PUS7L: variants seen among roughly 807,000 people sequenced by gnomAD.
PUS7L encodes the protein pseudouridylate synthase PUS7L.
PUS7L carries 49 observed loss-of-function variants against 51.1 expected under a neutral mutation model. That is an observed-to-expected ratio of 0.96 (90% confidence interval 0.76 to 1.22). The LOEUF is 1.22. PUS7L is among the 50% of genes most tolerant of loss of function. The probability of loss-of-function intolerance (pLI) is 0.00; values close to 1 mark genes in which losing one functional copy is unlikely to be tolerated. For missense variants in PUS7L, 828 were observed against 820.6 expected (o/e 1.01, Z -0.11); for synonymous variants, 277 against 276.2 (o/e 1.00, Z -0.03).
Position 43,728,328 on chromosome 12 carries a change from T to TA in PUS7L, c.*2047dup, listed in dbSNP as rs1337540496. ...TTTACTAAATAAATCAATAAATGTCTAAAATTATAGTGCCATCTGCAGGCA... is the reference window on the plus strand; with the variant it reads ...TTTACTAAATAAATCAATAAATGTCTAAAAATTATAGTGCCATCTGCAGGCA... On this transcript the variant is annotated 3_prime_UTR_variant, in exon 9 of 9. Coordinates refer to ENST00000344862, the MANE Select transcript of PUS7L (RefSeq NM_031292.5). 1 of 152,140 alleles carries TA rather than the reference T, an allele frequency of 6.6e-6. No individual in the cohort carries two copies. The highest frequency in any genetic ancestry group is 1.5e-5 in the Non-Finnish European group (1 of 67,998). 9.4% of individuals were successfully genotyped at this position (152,140 alleles called of 1,614,324 possible). A position where few individuals can be genotyped will look rare whatever the true frequency, so the allele number is the denominator to read the frequency against.
In PUS7L at chr12:43,734,060, C is replaced by G. The variant is rs570500607; in HGVS notation, c.1726-2302G>C. Among the ~76,000 whole-genome samples the G allele has an allele frequency of 2.6e-5, 4 of 152,274 alleles. No homozygotes were observed. The South Asian group carries it at 8.3e-4, about 32-fold the overall frequency. ...CACTCTCATTTTCCAGGGGACCTCT[C>G]CCAGGTGTCAGATGTGGATTAGGGT... is the stretch of plus-strand genomic sequence containing the variant. On this transcript the variant is annotated intron_variant, in intron 7 of 8. Coordinates refer to ENST00000344862, the MANE Select transcript of PUS7L (RefSeq NM_031292.5).
intron 6 of PUS7L, 25 bp from the exon 7 acceptor site, chr12:43,736,686 T>C (rs764443090): frequency 6.3e-7 from 1 of 1,596,388 alleles, no homozygotes; most frequent in Non-Finnish European, 8.6e-7. Context: ...AAATCAGGTA[T>C]AGTTAGCCAC....
Position 43,754,527 on chromosome 12 carries a change from T to G in PUS7L, c.719A>C (p.Asp240Ala). 6.2e-7 allele frequency: 1 copy of G among 1,612,932 alleles called. No individual in the cohort carries two copies. The highest frequency in any genetic ancestry group is 8.5e-7 in the Non-Finnish European group (1 of 1,179,598). ...KFTFKPDTNKDHRKAVHHFVN... is the reference protein window; with the variant it reads ...KFTFKPDTNKAHRKAVHHFVN... ...AAAATGGTGGACAGCTTTTCTGTGGTCTTTGTTTGTATCAGGTTTAAAGGT... is the reference window on the plus strand; with the variant it reads ...AAAATGGTGGACAGCTTTTCTGTGGGCTTTGTTTGTATCAGGTTTAAAGGT... Residue 240 changes from aspartate (D) to alanine (A), a missense_variant, in exon 2 of 9, where the codon GAC (aspartate) becomes GCC (alanine). By Grantham distance (126) the Asp-to-Ala change is moderately radical (BLOSUM62 -2). Transcript: ENST00000344862.
In PUS7L at chr12:43,748,464, T is replaced by C; in HGVS notation, c.1056A>G (p.Lys352=). 2 of 1,586,808 alleles carry C rather than the reference T, an allele frequency of 1.3e-6. No homozygotes were observed. The highest frequency in any genetic ancestry group is 1.7e-6 in the Non-Finnish European group (2 of 1,173,090). ...TATCTTATTACCTCTCTGGAGTCAC[T>C]TTTCTAACAACCATTGCTTGATAGG... ...AITYQAMVVR[K]VTPERLKNIE... Residue 352 remains lysine, a synonymous_variant, in exon 3 of 9, where the codon AAA becomes AAG. Coordinates refer to ENST00000344862, the MANE Select transcript of PUS7L (RefSeq NM_031292.5).
In PUS7L at chr12:43,754,988, T is replaced by C. The variant is rs1938628674; in HGVS notation, c.258A>G (p.Gln86=). Residue 86 remains glutamine (Q), a synonymous_variant, in exon 2 of 9, where the codon CAA becomes CAG. Coordinates refer to ENST00000344862, the MANE Select transcript of PUS7L (RefSeq NM_031292.5). ...TGTACTTAATCAAAGTATGAACTTC[T>C]TGGTTTCTTCCATCTTCTAAGGACA... The part of the protein sequence containing the change: ...QNLSLEDGRN[Q]EVHTLIKYTD... The C allele has an allele frequency of 6.2e-7, 1 of 1,613,254 alleles. No individual in the cohort carries two copies.
rs952470526 is a variant in PUS7L, at chr12:43,720,618, T to G, written c.*9758A>C. ...TGGTTTCAGTCATTTGAAATTTTAT[T>G]GCATATGCTTATAGTCCAGTGCATA... On this transcript the variant is annotated 3_prime_UTR_variant, in exon 9 of 9. Transcript: ENST00000344862. The G allele has an allele frequency of 6.6e-6, 1 of 152,272 alleles. No homozygotes were observed. The highest frequency in any genetic ancestry group is 1.5e-5 in the Non-Finnish European group (1 of 68,046). The allele number at this position is 152,272 out of a possible 1,614,324, so 9.4% of individuals were successfully genotyped here.
chr12:43,730,604 A>G lies in PUS7L; in HGVS notation c.1878T>C (p.Cys626=), dbSNP rs760200739. 11 of 1,613,488 alleles carry G rather than the reference A, an allele frequency of 6.8e-6. No individual in the cohort carries two copies. The South Asian group carries it at 1.1e-4, about 16-fold the overall frequency. The change falls in exon 9 of 9, where the codon TGT becomes TGC. Residue 626 remains cysteine (C), a synonymous_variant. Coordinates refer to ENST00000344862, the MANE Select transcript of PUS7L (RefSeq NM_031292.5). ...DILSRDGLQT[C]RFKVPTLKLN... is the part of the protein sequence containing the mutation. ...GTTTCAGAGTAGGTACTTTAAACCT[A>G]CATGTCTGTAGTCCATCTCTGCTAA...
At position 43,728,749 on chromosome 12, in the gene PUS7L, A is replaced by ACACTTACTTAACAATAACTAAGTGCCAGG. The variant is rs1944489943; in HGVS notation, c.*1598_*1626dup. 1 of 152,580 alleles carries ACACTTACTTAACAATAACTAAGTGCCAGG rather than the reference A, an allele frequency of 6.6e-6. No homozygotes were observed. Among genetic ancestry groups the ACACTTACTTAACAATAACTAAGTGCCAGG allele is most frequent in the African/African-American group, 2.4e-5 (1 of 41,476 alleles). The allele number at this position is 152,580 out of a possible 1,614,324, so 9.5% of individuals were successfully genotyped here. A position where few individuals can be genotyped will look rare whatever the true frequency, so the allele number is the denominator to read the frequency against. ...TTCTCTTCCAAACTTGCATCTGCAG[A>ACACTTACTTAACAATAACTAAGTGCCAGG]CACTTACTTAACAATAACTAAGTGC... is the stretch of plus-strand genomic sequence containing the variant. On this transcript the variant is annotated 3_prime_UTR_variant, in exon 9 of 9. Transcript: ENST00000344862.
intron 3 of PUS7L, among the ~76,000 whole-genome samples, chr12:43,747,777 T>C (rs916028039): frequency 5.3e-5 from 8 of 152,192 alleles, no homozygotes; most frequent in African/African-American, 1.7e-4. Context: ...AAAAATGTTA[T>C]TGCAGTTATT....
At chr12:43,751,911 A>G (rs368244033) in intron 2 of PUS7L, among the ~76,000 whole-genome samples, 4 of 152,068 alleles carry the variant, frequency 2.6e-5, no homozygotes, top group Admixed American at 1.3e-4. Context: ...GTGTGAGATG[A>G]TATCTCATTG....
chr12:43,752,239 G>A (rs753469416), intron 2 of PUS7L, among the ~76,000 whole-genome samples: 1 of 151,908 alleles, frequency 6.6e-6, no homozygotes, highest in South Asian at 2.1e-4. Context: ...GTGGCTGGAA[G>A]GTTGGTACTG....
Position 43,741,996 on chromosome 12 carries a change from C to T in PUS7L, c.1362+461G>A, listed in dbSNP as rs375031389. Among the ~76,000 whole-genome samples, 7 of 152,228 alleles carry T rather than the reference C, an allele frequency of 4.6e-5. No individual in the cohort carries two copies. The East Asian group carries it at 1.2e-3, about 25-fold the overall frequency. On this transcript the variant is annotated intron_variant, in intron 5 of 8. Coordinates refer to ENST00000344862, the MANE Select transcript of PUS7L (RefSeq NM_031292.5). ...TTAAAAGCAGATATACACACATACG[C>T]TTTTAATATTTCAGCAAATGCAGCT...
intron 2 of PUS7L, 24 bp downstream of exon 2, chr12:43,754,312 A>G (rs779485651): frequency 9.7e-6 from 14 of 1,445,952 alleles, no homozygotes; most frequent in Non-Finnish European, 1.3e-5. Context: ...ATCCAAGAAA[A>G]TGGATGATGA....
chr12:43,724,846 T>G lies in PUS7L; in HGVS notation c.*5530A>C, dbSNP rs960758752. On this transcript the variant is annotated 3_prime_UTR_variant, in exon 9 of 9. Coordinates refer to ENST00000344862, the MANE Select transcript of PUS7L (RefSeq NM_031292.5). The stretch of plus-strand genomic sequence containing the variant: ...TTAATACCTTTAAATTGATTCTACC[T>G]CTTTAAAATTAAATTTAGTTTTAAA... 6.6e-6 allele frequency: 1 copy of G among 152,204 alleles called. No homozygotes were observed. The highest frequency in any genetic ancestry group is 1.5e-5 in the Non-Finnish European group (1 of 68,028). 9.4% of individuals were successfully genotyped at this position (152,204 alleles called of 1,614,324 possible).
chr12:43,744,176 G>GA (rs1336942516), intron 4 of PUS7L, among the ~76,000 whole-genome samples: 1 of 152,020 alleles, frequency 6.6e-6, no homozygotes, highest in South Asian at 2.1e-4. Context: ...AGTTTTTGAG[G>GA]AAAAAAAAGT....
Position 43,750,601 on chromosome 12 carries a change from GC to G in PUS7L, c.911-1993del, listed in dbSNP as rs1938396521. ...TCAATTTTAGAGACTTCCACTTTGAGCCCTGTTGGAATAACTGACACCAGAT... is the reference window on the plus strand; with the variant it reads ...TCAATTTTAGAGACTTCCACTTTGAGCCTGTTGGAATAACTGACACCAGAT... On this transcript the variant is annotated intron_variant, in intron 2 of 8. Transcript: ENST00000344862. Among the ~76,000 whole-genome samples, 8 of 152,196 alleles carry G rather than the reference GC, an allele frequency of 5.3e-5. No homozygotes were observed. In the South Asian group the frequency reaches 1.7e-3, roughly 32 times the overall value.
chr12:43,754,575 G>A lies in PUS7L; in HGVS notation c.671C>T (p.Ala224Val). The A allele has an allele frequency of 6.2e-7, 1 of 1,608,902 alleles. No homozygotes were observed. The highest frequency in any genetic ancestry group is 1.3e-5 in the African/African-American group (1 of 74,456). The change falls in exon 2 of 9, where the codon GCA becomes GTA. Residue 224 changes from alanine (A) to valine (V), a missense_variant. By Grantham distance (64) the Ala-to-Val change is moderately conservative. Transcript: ENST00000344862. ...EAFDFFKYLDAKKENSKFTFK... is the reference protein window; with the variant it reads ...EAFDFFKYLDVKKENSKFTFK... ...GGTAAATTTGGAATTTTCTTTCTTT[G>A]CATCCAAATATTTAAAAAAGTCAAA...
In PUS7L at chr12:43,755,204, C is replaced by T. The variant is rs1364986630; in HGVS notation, c.42G>A (p.Leu14=). 3 of 1,610,436 alleles carry T rather than the reference C, an allele frequency of 1.9e-6. No homozygotes were observed. Among genetic ancestry groups the T allele is most frequent in the Non-Finnish European group, 2.5e-6 (3 of 1,178,434 alleles). The change falls in exon 2 of 9, where the codon TTG becomes TTA. Residue 14 remains leucine, a synonymous_variant. Transcript: ENST00000344862. The part of the protein sequence containing the change: ...DTDYRIRFSS[L]CFFNDHVGFH... ...ATCCAACGTGATCATTAAAGAAACA[C>T]AAAGAACTAAACCTGATTCTATAAT...
chr12:43,752,315 C>G (rs1938492990), intron 2 of PUS7L, among the ~76,000 whole-genome samples: 1 of 152,210 alleles, frequency 6.6e-6, no homozygotes, highest in Non-Finnish European at 1.5e-5. Flanking sequence ...AGCATAGCAG[C>G]TGGCTTTCCC....
Sources: gnomAD v4.1 joint callset for allele counts (sites outside exome capture counted in the v4.1 genomes callset) on GRCh38, gnomAD v4.1.1 for gene constraint, MANE v1.5 for transcripts, NCBI Gene and HGNC (gene_info 2026-07-23, HGNC 2026-07-21) for gene names.